Variants in CACNB2 observed in about 807,000 individuals in gnomAD.
CACNB2 encodes voltage-dependent L-type calcium channel subunit beta-2.
A neutral mutation model predicts 73.3 loss-of-function variants in CACNB2; 42 were observed. The ratio of observed to expected loss-of-function variants is 0.57; its 90% CI spans 0.45 to 0.74. CACNB2 has a LOEUF of 0.74. Among genes scored for constraint, CACNB2 ranks in the 30% least tolerant of loss-of-function variants. The probability of loss-of-function intolerance (pLI) is 0.00; values close to 1 mark genes in which losing one functional copy is unlikely to be tolerated. For missense variants in CACNB2, 940 were observed against 853.0 expected (o/e 1.10, Z -1.27); for synonymous variants, 348 against 310.3 (o/e 1.12, Z -1.28).
chr10:18,209,452 T>C lies in CACNB2; in HGVS notation c.213+58477T>C, dbSNP rs568071268. Among the ~76,000 whole-genome samples, 51 of 152,314 alleles carry C rather than the reference T, an allele frequency of 3.3e-4. 1 individual carries two copies. The East Asian group carries it at 7.3e-3, about 22-fold the overall frequency. ...AGTAAGGATGTGCTTTTCCAGATGT[T>C]TCCAGCTTGCTTTTTCGTCAGCTGT... On this transcript the variant is annotated intron_variant, in intron 2 of 13. Coordinates refer to ENST00000324631, the MANE Select transcript of CACNB2 (RefSeq NM_201596.3).
chr10:18,203,205 A>G (rs1407194360), intron 2 of CACNB2, among the ~76,000 whole-genome samples: 1 of 152,228 alleles, frequency 6.6e-6, no homozygotes, highest in Non-Finnish European at 1.5e-5. Flanking sequence ...CTTGAAGTAG[A>G]CACAGGCAGA....
chr10:18,446,999 C>T (rs1369920359), intron 3 of CACNB2, among the ~76,000 whole-genome samples: 1 of 151,490 alleles, frequency 6.6e-6, no homozygotes, highest in Non-Finnish European at 1.5e-5. Context: ...GTTGAGGCTG[C>T]AGTGAGGCTG....
chr10:18,196,810 A>G (rs568151790), intron 2 of CACNB2, among the ~76,000 whole-genome samples: 1 of 152,264 alleles, frequency 6.6e-6, no homozygotes, highest in Admixed American at 6.5e-5. Context: ...TCCTAAAAGT[A>G]ATTTAGGGAG....
At chr10:18,268,555 C>G (rs1205420910) in intron 2 of CACNB2, among the ~76,000 whole-genome samples, 4 of 152,110 alleles carry the variant, frequency 2.6e-5, no homozygotes, top group Admixed American at 6.5e-5. Context: ...TGCATTTATT[C>G]TACATGTGTT....
At chr10:18,470,583 C>G (rs552085804) in intron 3 of CACNB2, among the ~76,000 whole-genome samples, 1 of 151,958 alleles carries the variant, frequency 6.6e-6, no homozygotes, top group Non-Finnish European at 1.5e-5. Context: ...TCTCACCTTT[C>G]TATCTAAACC....
intron 2 of CACNB2, among the ~76,000 whole-genome samples, chr10:18,213,884 T>A (rs950082643): frequency 1.1e-4 from 17 of 152,232 alleles, no homozygotes; most frequent in Non-Finnish European, 2.9e-5. Flanking sequence ...GCATGTAAAC[T>A]ACTAAGTTTT....
chr10:18,395,525 A>G (rs1194726100), intron 2 of CACNB2, among the ~76,000 whole-genome samples: 1 of 152,198 alleles, frequency 6.6e-6, no homozygotes, highest in Non-Finnish European at 1.5e-5. Flanking sequence ...CCCTGTTTTC[A>G]GTATTTAGCT....
At chr10:18,261,797 C>T (rs1417442489) in intron 2 of CACNB2, among the ~76,000 whole-genome samples, 2 of 152,168 alleles carry the variant, frequency 1.3e-5, no homozygotes, top group East Asian at 3.8e-4. Context: ...GATGACACAG[C>T]TGTTGCAACA....
At chr10:18,341,272 C>T (rs550509179) in intron 2 of CACNB2, among the ~76,000 whole-genome samples, 3 of 152,074 alleles carry the variant, frequency 2.0e-5, no homozygotes, top group Non-Finnish European at 4.4e-5. Context: ...ATGCTTTTTC[C>T]AGCTATAGAC....
chr10:18,405,101 T>C (rs1298699113), intron 3 of CACNB2, among the ~76,000 whole-genome samples: 4 of 152,228 alleles, frequency 2.6e-5, no homozygotes, highest in Non-Finnish European at 5.9e-5. Flanking sequence ...GTTGATCTTC[T>C]CTTTGAAAAC....
chr10:18,524,215 T>TG (rs1427069380), intron 9 of CACNB2, among the ~76,000 whole-genome samples: 1 of 152,058 alleles, frequency 6.6e-6, no homozygotes, highest in Non-Finnish European at 1.5e-5. Flanking sequence ...CGGTTTTTTT[T>TG]TTTTGTTTTT....
chr10:18,183,301 T>G (rs2033982513), intron 2 of CACNB2, among the ~76,000 whole-genome samples: 1 of 152,106 alleles, frequency 6.6e-6, no homozygotes, highest in African/African-American at 2.4e-5. Flanking sequence ...TAACATTTGT[T>G]TTCTGTCCTC....
chr10:18,142,185 G>C (rs979333424), intron 1 of CACNB2, among the ~76,000 whole-genome samples: 3 of 152,202 alleles, frequency 2.0e-5, no homozygotes, highest in African/African-American at 7.2e-5. Flanking sequence ...TTACCATTGG[G>C]AAATTAATGT....
At chr10:18,182,077 G>A (rs2033914320) in intron 2 of CACNB2, 1 of 152,244 alleles carries the variant, frequency 6.6e-6, no homozygotes, top group Non-Finnish European at 1.5e-5. Context: ...ATCTGAGGAG[G>A]ACCTTCCTGG....
chr10:18,442,938 ATATGTG>A lies in CACNB2; in HGVS notation c.333+40899_333+40904del, dbSNP rs1208310948. ...TATATATATATATGTATATATATAT[ATATGTG>A]TATATATATATATGTATATATATAT... is the stretch of plus-strand genomic sequence containing the variant. On this transcript the variant is annotated intron_variant, in intron 3 of 13. Transcript: ENST00000324631. Among the ~76,000 whole-genome samples the A allele has an allele frequency of 4.8e-4, 21 of 43,654 alleles. 1 individual carries two copies. The South Asian group carries it at 6.7e-3, about 14-fold the overall frequency. 28.6% of individuals were successfully genotyped at this position (43,654 alleles called of 152,430 possible).
At chr10:18,416,473 T>C (rs1487648224) in intron 3 of CACNB2, among the ~76,000 whole-genome samples, 1 of 152,160 alleles carries the variant, frequency 6.6e-6, no homozygotes, top group Non-Finnish European at 1.5e-5. Flanking sequence ...CTGGAGTGCA[T>C]TGGCACGATC....
chr10:18,459,409 T>C (rs1355528918), intron 3 of CACNB2, among the ~76,000 whole-genome samples: 1 of 152,134 alleles, frequency 6.6e-6, no homozygotes, highest in African/African-American at 2.4e-5. Flanking sequence ...GACCATTCTT[T>C]CAGAGTTTCA....
intron 2 of CACNB2, among the ~76,000 whole-genome samples, chr10:18,362,979 G>A (rs755890208): frequency 6.6e-6 from 1 of 152,118 alleles, no homozygotes; most frequent in Non-Finnish European, 1.5e-5. Context: ...TTCATTAAGT[G>A]ACTTCATTAA....
intron 9 of CACNB2, chr10:18,519,976 A>G (rs747270917): frequency 3.4e-5 from 11 of 328,034 alleles, no homozygotes; most frequent in African/African-American, 1.3e-4. Context: ...TTTTCCTTCT[A>G]TCACACTGAC....
Sources: gnomAD v4.1 joint callset for allele counts (sites outside exome capture counted in the v4.1 genomes callset) on GRCh38, gnomAD v4.1.1 for gene constraint, MANE v1.5 for transcripts, NCBI Gene and HGNC (gene_info 2026-07-23, HGNC 2026-07-21) for gene names.